The following AQR variants were observed in gnomAD, a reference collection of about 807,000 sequenced individuals.
AQR encodes the protein aquarius intron-binding spliceosomal factor.
AQR carries 61 observed loss-of-function variants against 180.5 expected under a neutral mutation model. The observed-to-expected ratio is 0.34, with a 90% CI of 0.28 to 0.42. The LOEUF (loss-of-function observed/expected upper bound fraction) is 0.42. Among genes scored for constraint, AQR ranks in the 10% least tolerant of loss-of-function variants. The pLI is 1.00. For synonymous variants in AQR, 551 were observed against 588.8 expected, an observed-to-expected ratio of 0.94 and a Z score of 0.93; for missense variants, 1,281 against 1,798.3, an observed-to-expected ratio of 0.71 and a Z score of 5.20.
chr15:34,856,954 G>A lies in AQR; in HGVS notation c.4296C>T (p.Ala1432=). 1 of 1,614,118 alleles carries A rather than the reference G, an allele frequency of 6.2e-7. No individual in the cohort carries two copies. Among genetic ancestry groups the A allele is most frequent in the African/African-American group, 1.3e-5 (1 of 75,036 alleles). ...TDTSCRQETP[A]FQTDTTPSET... Reference sequence around the variant, plus strand: ...CACTGGGGGTGGTGTCAGTTTGAAAGGCTGGAGTTTCTTGACGGCAGCTGG... The same window carrying A: ...CACTGGGGGTGGTGTCAGTTTGAAAAGCTGGAGTTTCTTGACGGCAGCTGG... Residue 1432 remains alanine (A), a synonymous_variant, in exon 35 of 35, where the codon GCC becomes GCT. Coordinates refer to ENST00000156471, the MANE Select transcript of AQR (RefSeq NM_014691.3).
At chr15:34,924,499 T>G (rs753815911) in intron 13 of AQR, among the ~76,000 whole-genome samples, 55 of 152,116 alleles carry the variant, frequency 3.6e-4, no homozygotes, top group Non-Finnish European at 6.9e-4. Context: ...TGGCACGATC[T>G]TGGCTCACTG....
chr15:34,891,833 T>C (rs1336573532), intron 23 of AQR, among the ~76,000 whole-genome samples: 1 of 152,104 alleles, frequency 6.6e-6, no homozygotes, highest in Non-Finnish European at 1.5e-5. Context: ...GTATATTAGA[T>C]GCATTATGTC....
chr15:34,881,795 C>G (rs1240862601), intron 27 of AQR, among the ~76,000 whole-genome samples: 1 of 151,778 alleles, frequency 6.6e-6, no homozygotes, highest in Admixed American at 6.6e-5. Flanking sequence ...ATGAAAACCA[C>G]TTTGTTTTTT....
At chr15:34,859,718 G>A (rs1350218499) in intron 34 of AQR, among the ~76,000 whole-genome samples, 1 of 152,160 alleles carries the variant, frequency 6.6e-6, no homozygotes, top group Non-Finnish European at 1.5e-5. Context: ...CTGGTGAAGG[G>A]CAAGGAGGGA....
At chr15:34,938,592 AATGTATTTAAAAAGG>A in intron 9 of AQR, 130 bp downstream of exon 9, 1 of 557,756 alleles carries the variant, frequency 1.8e-6, no homozygotes, top group Non-Finnish European at 3.2e-6. Flanking sequence ...TCACACTGGT[AATGTATTTAAAAAGG>A]AGAGGACATA....
chr15:34,867,765 A>T, intron 31 of AQR, 156 bp from the exon 32 acceptor site: 1 of 592,888 alleles, frequency 1.7e-6, no homozygotes, highest in Non-Finnish European at 3.0e-6. Context: ...GTTAATGAAC[A>T]TTATTAAAGA....
At chr15:34,959,606 C>T (rs867588109) in intron 3 of AQR, among the ~76,000 whole-genome samples, 12 of 152,332 alleles carry the variant, frequency 7.9e-5, no homozygotes, top group African/African-American at 2.9e-4. Flanking sequence ...CCCCCAACAA[C>T]GTGGCAAAAG....
At chr15:34,929,943 A>AC (rs1431448079) in intron 12 of AQR, among the ~76,000 whole-genome samples, 4 of 152,056 alleles carry the variant, frequency 2.6e-5, no homozygotes, top group Non-Finnish European at 5.9e-5. Flanking sequence ...ATGGTTACGC[A>AC]CCCCCTGCCA....
In AQR at chr15:34,903,898, CGTATA is replaced by C. The variant is rs1566986174; in HGVS notation, c.2001+433_2001+437del. On this transcript the variant is annotated intron_variant, in intron 19 of 34. Coordinates refer to ENST00000156471, the MANE Select transcript of AQR (RefSeq NM_014691.3). ...ACTAATGAGTAAAAATATATTATAA[CGTATA>C]GTAATTCAGAGCCTTGAGATTCCAT... Among the ~76,000 whole-genome samples, 24 of 152,076 alleles carry C rather than the reference CGTATA, an allele frequency of 1.6e-4. 6 individuals carry two copies. Among genetic ancestry groups the C allele is most frequent in the East Asian group, 3.9e-4 (2 of 5,182 alleles).
intron 22 of AQR, among the ~76,000 whole-genome samples, chr15:34,896,249 T>C (rs183022471): frequency 6.6e-6 from 1 of 152,334 alleles, no homozygotes; most frequent in Admixed American, 6.5e-5. Flanking sequence ...AACAAGTGGA[T>C]GATATATTTG....
intron 19 of AQR, among the ~76,000 whole-genome samples, chr15:34,902,419 C>A (rs563400896): frequency 1.3e-4 from 20 of 152,236 alleles, no homozygotes; most frequent in African/African-American, 4.8e-4. Flanking sequence ...ACCAAAAGAG[C>A]ATTCTTTTTT....
chr15:34,948,229 A>C, intron 5 of AQR, 35 bp downstream of exon 5: 1 of 1,608,874 alleles, frequency 6.2e-7, no homozygotes, highest in Non-Finnish European at 8.5e-7. Context: ...TATGTGGGTC[A>C]GTATGAAAGC....
At chr15:34,937,885 A>G (rs1893968363) in intron 9 of AQR, among the ~76,000 whole-genome samples, 1 of 150,708 alleles carries the variant, frequency 6.6e-6, no homozygotes, top group South Asian at 2.1e-4. Context: ...CTCTGTCTCA[A>G]AAAAAAATAA....
chr15:34,890,243 C>T lies in AQR; in HGVS notation c.2653G>A (p.Glu885Lys). 2 of 1,613,578 alleles carry T rather than the reference C, an allele frequency of 1.2e-6. No homozygotes were observed. Among genetic ancestry groups the T allele is most frequent in the Middle Eastern group, 1.7e-4 (1 of 6,058 alleles). The change falls in exon 24 of 35, where the codon GAG becomes AAG. Residue 885 changes from glutamate to lysine, a missense_variant. Glu to Lys is a moderately conservative substitution (Grantham distance 56, BLOSUM62 1). Around this residue, in one of 9 missense-constraint regions of AQR, gnomAD observed 31 missense variants for 95.5 expected, o/e 0.32. Coordinates refer to ENST00000156471, the MANE Select transcript of AQR (RefSeq NM_014691.3). ...HLLRLGHGEE[E>K]LETEKDFSRY... ...CTGAAATCTTTCTCTGTCTCCAGCT[C>T]TTCTTCTCCATGACCAAGACGCAGT...
At chr15:34,937,874 ACT>A (rs946102999) in intron 9 of AQR, among the ~76,000 whole-genome samples, 6 of 150,738 alleles carry the variant, frequency 4.0e-5, no homozygotes, top group Non-Finnish European at 8.9e-5. Flanking sequence ...ACAGAGTGAC[ACT>A]CTGTCTCAAA....
intron 34 of AQR, among the ~76,000 whole-genome samples, chr15:34,858,867 A>G (rs577877705): frequency 3.3e-5 from 5 of 152,340 alleles, no homozygotes; most frequent in Admixed American, 2.0e-4. Flanking sequence ...TGGTGCTCAA[A>G]CAACTGCATA....
intron 14 of AQR, 113 bp from the exon 15 acceptor site, chr15:34,918,491 A>ATT: frequency 7.9e-7 from 1 of 1,258,796 alleles, no homozygotes; most frequent in Non-Finnish European, 1.1e-6. Flanking sequence ...TCAACAAGCG[A>ATT]TTTTTTTTTC....
At chr15:34,969,484 C>T in intron 1 of AQR, 55 bp downstream of exon 1, 3 of 1,600,954 alleles carry the variant, frequency 1.9e-6, no homozygotes, top group African/African-American at 1.3e-5. Context: ...ACCACCAGGC[C>T]TCGGGGCCAC....
At chr15:34,947,870 C>T (rs1894154198) in intron 5 of AQR, among the ~76,000 whole-genome samples, 1 of 152,268 alleles carries the variant, frequency 6.6e-6, no homozygotes, top group East Asian at 1.9e-4. Context: ...GAACTCCTGG[C>T]TTCGAGCAAT....
Sources: allele counts gnomAD v4.1 joint callset (sites outside exome capture counted in the v4.1 genomes callset), GRCh38; gene constraint gnomAD v4.1.1; regional missense constraint gnomAD v4.1.1; transcripts MANE v1.5; gene names NCBI Gene and HGNC (gene_info 2026-07-23, HGNC 2026-07-21).